Variants in KMT2C observed in about 807,000 individuals in gnomAD.
KMT2C encodes histone-lysine N-methyltransferase 2C.
KMT2C carries 88 observed loss-of-function variants against 507.9 expected under a neutral mutation model. The ratio of observed to expected loss-of-function variants is 0.17; its 90% confidence interval spans 0.15 to 0.21. The LOEUF (loss-of-function observed/expected upper bound fraction) is 0.21. Ranked by LOEUF, KMT2C falls within the 10% of genes least tolerant of loss-of-function variation. The probability of loss-of-function intolerance (pLI) is 1.00; values close to 1 mark genes in which losing one functional copy is unlikely to be tolerated. For missense variants in KMT2C, 4,954 were observed against 5,957.8 expected (o/e 0.83, Z 5.55); for synonymous variants, 2,049 against 2,080.8 (o/e 0.98, Z 0.42).
chr7:152,201,519 TC>T (rs1484392311), intron 26 of KMT2C, among the ~76,000 whole-genome samples: 18 of 144,394 alleles, frequency 1.2e-4, no homozygotes, highest in Non-Finnish European at 6.0e-5. Context: ...TACAGAAGGA[TC>T]AATAGGAGGA....
intron 3 of KMT2C, among the ~76,000 whole-genome samples, chr7:152,318,859 G>A (rs35123725): frequency 0.014 from 2,096 of 152,176 alleles, 30 homozygotes; most frequent in South Asian, 0.027. Flanking sequence ...ACAAAATGAT[G>A]AATAGTATAA....
chr7:152,356,896 AG>A, intron 2 of KMT2C, among the ~76,000 whole-genome samples: 1 of 84,056 alleles, frequency 1.2e-5, no homozygotes, highest in Non-Finnish European at 2.6e-5. Context: ...CAACTCAAAA[AG>A]AATAATAATA....
chr7:152,223,884 C>T (rs1446162449), intron 20 of KMT2C, 131 bp downstream of exon 20: 1 of 653,172 alleles, frequency 1.5e-6, no homozygotes, highest in African/African-American at 1.9e-5. Flanking sequence ...TTCTAGGTGA[C>T]TAAAAATCTA....
chr7:152,433,355 G>A (rs1432648527), intron 1 of KMT2C, among the ~76,000 whole-genome samples: 2 of 152,116 alleles, frequency 1.3e-5, no homozygotes, highest in Non-Finnish European at 2.9e-5. Flanking sequence ...CACTTTCAGG[G>A]TCTTTACTGT....
chr7:152,364,970 C>CAG (rs398006772), intron 1 of KMT2C, among the ~76,000 whole-genome samples: 5 of 151,202 alleles, frequency 3.3e-5, no homozygotes, highest in African/African-American at 1.2e-4. Flanking sequence ...CACACACACA[C>CAG]GTACCAGTAA....
At position 152,181,980 on chromosome 7, in the gene KMT2C, A is replaced by G. The variant is rs2093448547; in HGVS notation, c.5880T>C (p.Asn1960=). The part of the protein sequence containing the change: ...RDLCSSSTTN[N]DPYAKPPDTP... ...TGTCTGGAGGTTTTGCATAGGGGTC[A>G]TTATTTGTCGTGGAAGAAGAACATA... Residue 1960 remains asparagine (N), a synonymous_variant, in exon 36 of 59, where the codon AAT becomes AAC. Coordinates refer to ENST00000262189, the MANE Select transcript of KMT2C (RefSeq NM_170606.3). 2 of 1,614,070 alleles carry G rather than the reference A, an allele frequency of 1.2e-6. No individual in the cohort carries two copies. The highest frequency in any genetic ancestry group is 1.7e-6 in the Non-Finnish European group (2 of 1,180,018).
intron 1 of KMT2C, chr7:152,367,374 AC>A: frequency 4.2e-6 from 3 of 714,790 alleles, no homozygotes; most frequent in Non-Finnish European, 2.4e-6. Flanking sequence ...TACCAGGGGC[AC>A]CCCCGGCTGG....
chr7:152,294,933 T>C (rs925940151), intron 6 of KMT2C, among the ~76,000 whole-genome samples: 2 of 152,198 alleles, frequency 1.3e-5, no homozygotes, highest in African/African-American at 4.8e-5. Flanking sequence ...TCAGTTTGAT[T>C]TGCCACCACT....
chr7:152,308,841 AAG>A (rs2096644298), intron 6 of KMT2C, among the ~76,000 whole-genome samples: 1 of 152,050 alleles, frequency 6.6e-6, no homozygotes, highest in Non-Finnish European at 1.5e-5. Flanking sequence ...TTTAAGAAAA[AAG>A]AAAAAGAAAA....
intron 11 of KMT2C, among the ~76,000 whole-genome samples, chr7:152,251,173 G>A (rs184053353): frequency 1.3e-3 from 192 of 152,238 alleles, no homozygotes; most frequent in Non-Finnish European, 2.1e-3. Flanking sequence ...TGGGCCAACC[G>A]TGGTAGTTCA....
chr7:152,420,260 T>C (rs943815311), intron 1 of KMT2C, among the ~76,000 whole-genome samples: 3 of 152,228 alleles, frequency 2.0e-5, no homozygotes. Context: ...TTAAGTCACC[T>C]ATAATCTAAC....
At chr7:152,344,162 T>C (rs2097028499) in intron 2 of KMT2C, among the ~76,000 whole-genome samples, 2 of 152,232 alleles carry the variant, frequency 1.3e-5, no homozygotes, top group South Asian at 4.1e-4. Context: ...GAATTAGGAT[T>C]ATTTTGTTCT....
chr7:152,297,043 AAGAAAGAAAGAC>A lies in KMT2C; in HGVS notation c.849+12911_849+12922del, dbSNP rs2096512197. 3.6e-5 allele frequency among the ~76,000 whole-genome samples: 3 copies of A among 83,404 alleles called. No individual in the cohort carries two copies. In the East Asian group the frequency reaches 9.1e-4, roughly 25 times the overall value. The allele number at this position is 83,404 out of a possible 152,430, so 54.7% of individuals were successfully genotyped here. On this transcript the variant is annotated intron_variant, in intron 6 of 58. Coordinates refer to ENST00000262189, the MANE Select transcript of KMT2C (RefSeq NM_170606.3). ...AAAGAAAGAAAGAAAGAAAGAAAGA[AAGAAAGAAAGAC>A]AGAGAGAGAGAGAGAGAGAGAGAGA...
chr7:152,176,657 A>G lies in KMT2C; in HGVS notation c.8796T>C (p.Ile2932=), dbSNP rs2093225080. The G allele has an allele frequency of 6.2e-7, 1 of 1,614,070 alleles. No individual in the cohort carries two copies. Among genetic ancestry groups the G allele is most frequent in the South Asian group, 1.1e-5 (1 of 91,088 alleles). ...LANEKSDNSD[I]RPSGSPPPPT... The stretch of plus-strand genomic sequence containing the variant: ...GTGGTGGTGGAGACCCCGATGGCCT[A>G]ATGTCTGAATTATCAGATTTCTCAT... The change falls in exon 38 of 59, where the codon ATT becomes ATC. Residue 2932 remains isoleucine, a synonymous_variant. Transcript: ENST00000262189.
intron 31 of KMT2C, among the ~76,000 whole-genome samples, 196 bp downstream of exon 31, chr7:152,193,813 C>T (rs1683416617): frequency 6.6e-6 from 1 of 152,140 alleles, no homozygotes; most frequent in Non-Finnish European, 1.5e-5. Flanking sequence ...AGGATAATTA[C>T]AGAATTACAG....
At chr7:152,348,420 AACCC>A (rs2097079994) in intron 2 of KMT2C, among the ~76,000 whole-genome samples, 1 of 151,746 alleles carries the variant, frequency 6.6e-6, no homozygotes, top group Non-Finnish European at 1.5e-5. Flanking sequence ...AACATGGTGA[AACCC>A]CGTATCTTCT....
chr7:152,141,712 C>CAAAAAAAA (rs1249621681), intron 55 of KMT2C, among the ~76,000 whole-genome samples: 3 of 61,872 alleles, frequency 4.8e-5, no homozygotes, highest in Admixed American at 1.8e-4. Context: ...GACTCTGTCT[C>CAAAAAAAA]AAAAAAAAAA....
chr7:152,229,876 A>G (rs1256236707), intron 18 of KMT2C, 47 bp downstream of exon 18: 1 of 1,442,018 alleles, frequency 6.9e-7, no homozygotes, highest in Non-Finnish European at 9.7e-7. Context: ...ACTAAAACCA[A>G]ATAAAAATTC....
chr7:152,251,359 G>C (rs1563587953), intron 11 of KMT2C, among the ~76,000 whole-genome samples: 1 of 152,120 alleles, frequency 6.6e-6, no homozygotes, highest in African/African-American at 2.4e-5. Context: ...TGGCATTCTG[G>C]AAATGAAAGG....
Sources: allele counts gnomAD v4.1 joint callset (sites outside exome capture counted in the v4.1 genomes callset), GRCh38; gene constraint gnomAD v4.1.1; transcripts MANE v1.5; gene names NCBI Gene and HGNC (gene_info 2026-07-23, HGNC 2026-07-21).